The following POLE2 variants were observed in gnomAD, a reference collection of about 807,000 sequenced individuals.
POLE2 encodes the protein DNA polymerase epsilon 2, accessory subunit.
In POLE2, 56 loss-of-function variants were observed where a neutral mutation model predicts 79.4. That is an observed-to-expected ratio of 0.71 (90% CI 0.57 to 0.88). The LOEUF (loss-of-function observed/expected upper bound fraction) is 0.88, where lower values mean the gene tolerates loss of function less well. Ranked by LOEUF, POLE2 falls within the 40% of genes least tolerant of loss-of-function variation. The pLI is 0.00. For missense variants in POLE2, 598 were observed against 638.9 expected (o/e 0.94, Z 0.69); for synonymous variants, 212 against 214.0 (o/e 0.99, Z 0.08).
intron 3 of POLE2, among the ~76,000 whole-genome samples, chr14:49,676,561 C>T (rs1886290109): frequency 6.6e-6 from 1 of 152,258 alleles, no homozygotes; most frequent in African/African-American, 2.4e-5. Flanking sequence ...TCAGTCCCCA[C>T]TGGACCTCCA....
chr14:49,684,953 G>A (rs1481999632), intron 1 of POLE2, among the ~76,000 whole-genome samples: 1 of 151,934 alleles, frequency 6.6e-6, no homozygotes. Flanking sequence ...CTCCAGCCTG[G>A]GCAACAGAGA....
At chr14:49,655,152 A>C (rs1217509066) in intron 11 of POLE2, 58 bp from the exon 12 acceptor site, 1 of 672,460 alleles carries the variant, frequency 1.5e-6, no homozygotes, top group African/African-American at 1.9e-5. Context: ...CAAGTTAAAA[A>C]CCCTTTAACC....
rs115107829 is a variant in POLE2 at position 49,686,855 on chromosome 14, C to G, written c.68+1281G>C. Reference sequence around the variant, plus strand: ...TTGAACAAAATTCATTATTTTCTCCCAAGGCATCTCCCAAAGCACAGTTAA... The same window carrying G: ...TTGAACAAAATTCATTATTTTCTCCGAAGGCATCTCCCAAAGCACAGTTAA... On this transcript the variant is annotated intron_variant, in intron 1 of 18. Transcript: ENST00000216367. 8.0e-3 allele frequency among the ~76,000 whole-genome samples: 1,213 copies of G among 152,118 alleles called. 18 individuals are homozygous for G. Among genetic ancestry groups the G allele is most frequent in the African/African-American group, 0.027 (1,140 of 41,474 alleles).
At chr14:49,679,222 A>G (rs1886524677) in intron 3 of POLE2, among the ~76,000 whole-genome samples, 1 of 152,148 alleles carries the variant, frequency 6.6e-6, no homozygotes, top group Non-Finnish European at 1.5e-5. Flanking sequence ...TCAAGAGGAA[A>G]GAGGGATATT....
chr14:49,657,090 G>A (rs1167049571), intron 10 of POLE2, among the ~76,000 whole-genome samples: 2 of 143,474 alleles, frequency 1.4e-5, no homozygotes, highest in Non-Finnish European at 3.0e-5. Context: ...TCCAGCTTGG[G>A]CAACAAAGCA....
intron 6 of POLE2, among the ~76,000 whole-genome samples, chr14:49,666,943 G>A (rs1286675369): frequency 5.9e-5 from 9 of 152,230 alleles, no homozygotes; most frequent in African/African-American, 1.9e-4. Context: ...GCTCACGCCT[G>A]TAATCCCAGC....
chr14:49,687,809 C>T (rs1887265392), intron 1 of POLE2, among the ~76,000 whole-genome samples: 1 of 151,990 alleles, frequency 6.6e-6, no homozygotes, highest in African/African-American at 2.4e-5. Flanking sequence ...AAGCGATTCT[C>T]CTGCCTCAGC....
rs1391239230 is a variant in POLE2 at position 49,683,585 on chromosome 14, T to C, written c.169+8A>G. The stretch of plus-strand genomic sequence containing the variant: ...ACAATTTAGGAGTTATCAGAAAATA[T>C]TACTTACAGGGTTGCTTCTCAACTG... On this transcript the variant is annotated splice_region_variant and intron_variant, in intron 2 of 18. Coordinates refer to ENST00000216367, the MANE Select transcript of POLE2 (RefSeq NM_002692.4). 2 of 1,303,424 alleles carry C rather than the reference T, an allele frequency of 1.5e-6. No individual in the cohort carries two copies. The highest frequency in any genetic ancestry group is 1.5e-5 in the African/African-American group (1 of 68,576). 80.7% of individuals were successfully genotyped at this position (1,303,424 alleles called of 1,614,324 possible).
intron 2 of POLE2, among the ~76,000 whole-genome samples, chr14:49,682,640 G>GAAAAAAAAAAAAAAAAAAAAA (rs35984833): frequency 4.9e-5 from 3 of 60,980 alleles, no homozygotes; most frequent in African/African-American, 1.7e-4. Flanking sequence ...CCTTCTCAGG[G>GAAAAAAAAAAAAAAAAAAAAA]AAAAAAAAAA....
rs11361567 is a variant in POLE2 at position 49,643,875 on chromosome 14, C to CT, written c.1566-206dup. Among the ~76,000 whole-genome samples, 66 of 53,134 alleles carry CT rather than the reference C, an allele frequency of 1.2e-3. 1 individual carries two copies. Among genetic ancestry groups the CT allele is most frequent in the African/African-American group, 2.8e-3 (43 of 15,228 alleles). The allele number at this position is 53,134 out of a possible 152,430, so 34.9% of individuals were successfully genotyped here. Reference sequence around the variant, plus strand: ...CTGCTCCCAAAAAGCAAATGTATGTCTTTTTTTTTTTTTTTTTTTTTCGAG... The same window carrying CT: ...CTGCTCCCAAAAAGCAAATGTATGTCTTTTTTTTTTTTTTTTTTTTTTCGAG... On this transcript the variant is annotated intron_variant, in intron 18 of 18. Coordinates refer to ENST00000216367, the MANE Select transcript of POLE2 (RefSeq NM_002692.4).
intron 10 of POLE2, 65 bp from the exon 11 acceptor site, chr14:49,655,908 C>T (rs1884630528): frequency 3.7e-6 from 3 of 818,944 alleles, no homozygotes; most frequent in East Asian, 2.7e-5. Context: ...TAGTTGTATA[C>T]ATTTAGCTTC....
At chr14:49,674,829 G>T (rs1345754826) in intron 3 of POLE2, among the ~76,000 whole-genome samples, 1 of 152,106 alleles carries the variant, frequency 6.6e-6, no homozygotes, top group Non-Finnish European at 1.5e-5. Context: ...GCCTCCCAAA[G>T]TACTGGGATT....
intron 1 of POLE2, among the ~76,000 whole-genome samples, chr14:49,683,975 A>C (rs1886924756): frequency 6.6e-6 from 1 of 152,166 alleles, no homozygotes; most frequent in South Asian, 2.1e-4. Context: ...TAAAAATCAC[A>C]TTTACATATA....
chr14:49,648,722 C>A (rs1184718526), intron 17 of POLE2, among the ~76,000 whole-genome samples: 2 of 152,192 alleles, frequency 1.3e-5, no homozygotes, highest in Non-Finnish European at 2.9e-5. Flanking sequence ...CACAGGATAG[C>A]CCCCACCACC....
chr14:49,682,640 G>GGAAAAAAAAAAAAA (rs1373991966), intron 2 of POLE2, among the ~76,000 whole-genome samples: 19 of 60,974 alleles, frequency 3.1e-4, no homozygotes, highest in African/African-American at 1.1e-3. Context: ...CCTTCTCAGG[G>GGAAAAAAAAAAAAA]AAAAAAAAAA....
intron 6 of POLE2, among the ~76,000 whole-genome samples, chr14:49,666,983 G>A (rs542093955): frequency 2.0e-5 from 3 of 151,964 alleles, no homozygotes; most frequent in East Asian, 1.9e-4. Context: ...GGCGGATCAC[G>A]AGGTCAGAAG....
intron 3 of POLE2, among the ~76,000 whole-genome samples, chr14:49,675,410 T>C (rs945914366): frequency 4.0e-5 from 6 of 151,574 alleles, no homozygotes; most frequent in African/African-American, 1.5e-4. Context: ...TTAAAGGATA[T>C]GATTAAGTTC....
chr14:49,656,354 C>CAAA lies in POLE2; in HGVS notation c.756-514_756-512dup, dbSNP rs36046648. Among the ~76,000 whole-genome samples the CAAA allele has an allele frequency of 7.4e-5, 7 of 94,006 alleles. No individual in the cohort carries two copies. In the East Asian group the frequency reaches 2.0e-3, roughly 28 times the overall value. 61.7% of individuals were successfully genotyped at this position (94,006 alleles called of 152,430 possible). A position where few individuals can be genotyped will look rare whatever the true frequency, so the allele number is the denominator to read the frequency against. On this transcript the variant is annotated intron_variant, in intron 10 of 18. Coordinates refer to ENST00000216367, the MANE Select transcript of POLE2 (RefSeq NM_002692.4). ...CTGGGCGACAGTGAGACTCTTGTCT[C>CAAA]AAAAAAAAAAAAAAAAAACTGACTA...
At chr14:49,647,263 CTTTCT>C in intron 18 of POLE2, 25 bp downstream of exon 18, 1 of 1,187,686 alleles carries the variant, frequency 8.4e-7, no homozygotes, top group Non-Finnish European at 1.2e-6. Flanking sequence ...AGAGAAAGAT[CTTTCT>C]TGCTGTGTCT....
Sources: gnomAD v4.1 joint callset for allele counts (sites outside exome capture counted in the v4.1 genomes callset) on GRCh38, gnomAD v4.1.1 for gene constraint, MANE v1.5 for transcripts, NCBI Gene and HGNC (gene_info 2026-07-23, HGNC 2026-07-21) for gene names.